RASEF: variants seen among roughly 807,000 people sequenced by gnomAD.
RASEF encodes RAS and EF-hand domain containing.
Under a neutral mutation model 90.1 loss-of-function variants are expected in RASEF, and 68 were observed. The ratio of observed to expected loss-of-function variants is 0.75; its 90% CI spans 0.62 to 0.92. The LOEUF (loss-of-function observed/expected upper bound fraction) is 0.92, where lower values mean the gene tolerates loss of function less well. Among genes scored for constraint, RASEF ranks in the 40% least tolerant of loss-of-function variants. The pLI is 0.00. For missense variants in RASEF, 949 were observed against 937.2 expected (o/e 1.01, Z -0.16); for synonymous variants, 331 against 345.2 (o/e 0.96, Z 0.46).
chr9:83,209,243 A>G, the RASEF span, among the ~76,000 whole-genome samples: 12 of 152,338 alleles, frequency 7.9e-5, no homozygotes, highest in East Asian at 2.3e-3. Flanking sequence ...TTGGGAAGCC[A>G]TCAACACTGA....
In RASEF at chr9:82,982,798, A is replaced by T; in HGVS notation, c.2118-16T>A. 1.6e-6 allele frequency: 2 copies of T among 1,223,894 alleles called. No individual in the cohort carries two copies. Among genetic ancestry groups the T allele is most frequent in the Non-Finnish European group, 2.4e-6 (2 of 846,838 alleles). 75.8% of individuals were successfully genotyped at this position (1,223,894 alleles called of 1,614,324 possible). On this transcript the variant is annotated splice_polypyrimidine_tract_variant and intron_variant, in intron 16 of 16. Transcript: ENST00000376447. ...TTTCACTTCTCTGAGACAGAGATAG[A>T]GAGAGACAGAGAGAGAGAGAGAGAG...
chr9:83,089,874 T>G, the RASEF span, among the ~76,000 whole-genome samples: 1 of 151,382 alleles, frequency 6.6e-6, no homozygotes, highest in African/African-American at 2.4e-5. Flanking sequence ...CCTGTCCTTC[T>G]GGGACTTTAT....
chr9:83,023,309 C>T (rs1829476746), intron 2 of RASEF, among the ~76,000 whole-genome samples: 1 of 152,180 alleles, frequency 6.6e-6, no homozygotes, highest in Admixed American at 6.5e-5. Context: ...TAAATCACAT[C>T]TCTATGGAGA....
At chr9:83,034,592 A>G (rs908816263) in intron 1 of RASEF, among the ~76,000 whole-genome samples, 1 of 152,220 alleles carries the variant, frequency 6.6e-6, no homozygotes, top group Non-Finnish European at 1.5e-5. Context: ...CCTATTTTCA[A>G]TCACTGATAT....
rs534587755 is a variant in RASEF, at chr9:82,979,925, C to T, written c.*2752G>A. ...TCTTTAACCTCAATTTTATCTTCAG[C>T]AGGAGGGTTGTGCAACTTGGGTTTA... On this transcript the variant is annotated 3_prime_UTR_variant, in exon 17 of 17. Transcript: ENST00000376447. 6.6e-6 allele frequency: 1 copy of T among 152,194 alleles called. No homozygotes were observed. Among genetic ancestry groups the T allele is most frequent in the South Asian group, 2.1e-4 (1 of 4,818 alleles). The allele number at this position is 152,194 out of a possible 1,614,324, so 9.4% of individuals were successfully genotyped here. A position where few individuals can be genotyped will look rare whatever the true frequency, so the allele number is the denominator to read the frequency against.
At chr9:83,190,792 T>A in the RASEF span, among the ~76,000 whole-genome samples, 2 of 151,866 alleles carry the variant, frequency 1.3e-5, no homozygotes, top group Non-Finnish European at 2.9e-5. Context: ...CAATGACTGG[T>A]GAAGAAAAAC....
the RASEF span, among the ~76,000 whole-genome samples, chr9:83,101,549 T>C: frequency 6.6e-6 from 1 of 152,220 alleles, no homozygotes; most frequent in Non-Finnish European, 1.5e-5. Context: ...TAAAGTCACA[T>C]TTGAGAAGTT....
rs1279104736 is a variant in RASEF at position 83,022,531 on chromosome 9, G to A, written c.579-105C>T. 3 of 765,200 alleles carry A rather than the reference G, an allele frequency of 3.9e-6. No individual in the cohort carries two copies. In the African/African-American group the frequency reaches 5.2e-5, roughly 13 times the overall value. 47.4% of individuals were successfully genotyped at this position (765,200 alleles called of 1,614,324 possible). ...TTAAGCCCTATATATTACAGATGAA[G>A]AGAAACACCCCATTCAAAATGATTT... On this transcript the variant is annotated intron_variant, in intron 2 of 16. Coordinates refer to ENST00000376447, the MANE Select transcript of RASEF (RefSeq NM_152573.4).
intron 5 of RASEF, among the ~76,000 whole-genome samples, chr9:83,011,432 G>C (rs565084412): frequency 6.6e-6 from 1 of 150,586 alleles, no homozygotes; most frequent in African/African-American, 2.4e-5. Context: ...CGCATCTATA[G>C]TTCCAGCTAC....
At chr9:83,197,440 T>C in the RASEF span, among the ~76,000 whole-genome samples, 3 of 152,162 alleles carry the variant, frequency 2.0e-5, no homozygotes, top group Non-Finnish European at 4.4e-5. Context: ...ACCCTGGGGA[T>C]ACAGCAGTGA....
the RASEF span, among the ~76,000 whole-genome samples, chr9:83,168,942 T>G: frequency 6.6e-6 from 1 of 152,116 alleles, no homozygotes; most frequent in African/African-American, 2.4e-5. Context: ...ATTCCTTCTA[T>G]CTGCCTGTTT....
At chr9:83,039,280 G>T (rs1367647317) in intron 1 of RASEF, among the ~76,000 whole-genome samples, 1 of 152,054 alleles carries the variant, frequency 6.6e-6, no homozygotes, top group East Asian at 1.9e-4. Flanking sequence ...TCTGTGTATT[G>T]AGTTTTCTGT....
At chr9:83,176,801 A>G in the RASEF span, among the ~76,000 whole-genome samples, 1 of 152,048 alleles carries the variant, frequency 6.6e-6, no homozygotes, top group African/African-American at 2.4e-5. Context: ...ATCATTATAC[A>G]TATTAACCTA....
chr9:83,089,903 T>C, the RASEF span, among the ~76,000 whole-genome samples: 4 of 138,102 alleles, frequency 2.9e-5, no homozygotes, highest in African/African-American at 1.0e-4. Flanking sequence ...GATAGATAGA[T>C]AGATAGATAG....
At chr9:83,027,310 A>G (rs756668141) in intron 1 of RASEF, among the ~76,000 whole-genome samples, 3 of 152,266 alleles carry the variant, frequency 2.0e-5, no homozygotes, top group Middle Eastern at 3.4e-3. Flanking sequence ...CTCAATCTTC[A>G]GCTTCTCTCT....
chr9:82,991,398 T>C (rs1028634140), intron 15 of RASEF, among the ~76,000 whole-genome samples: 4 of 152,222 alleles, frequency 2.6e-5, no homozygotes, highest in Non-Finnish European at 5.9e-5. Context: ...GCCACAATTA[T>C]AATTGCTCAA....
the RASEF span, among the ~76,000 whole-genome samples, chr9:83,140,489 A>G: frequency 3.3e-5 from 5 of 152,284 alleles, no homozygotes; most frequent in Admixed American, 3.3e-4. Flanking sequence ...TGAACAACTT[A>G]AGCTAGGGGC....
At chr9:83,107,694 C>G in the RASEF span, among the ~76,000 whole-genome samples, 1 of 152,160 alleles carries the variant, frequency 6.6e-6, no homozygotes, top group Non-Finnish European at 1.5e-5. Flanking sequence ...ATTTCTTAAA[C>G]CATTCTCCTC....
chr9:83,063,185 G>T, upstream of RASEF: 1 of 342,372 alleles, frequency 2.9e-6, no homozygotes, highest in East Asian at 5.1e-5. Flanking sequence ...TTTCCCGGCG[G>T]GTGCAGCTCC....
Sources: gnomAD v4.1 joint callset for allele counts (sites outside exome capture counted in the v4.1 genomes callset) on GRCh38, gnomAD v4.1.1 for gene constraint, MANE v1.5 for transcripts, NCBI Gene and HGNC (gene_info 2026-07-23, HGNC 2026-07-21) for gene names.